Variants in MARK3 observed in about 807,000 individuals in gnomAD.
The protein encoded by MARK3 is microtubule affinity regulating kinase 3, also known as MAP/microtubule affinity-regulating kinase 3.
MARK3 carries 46 observed loss-of-function variants against 90.1 expected under a neutral mutation model. That is an observed-to-expected ratio of 0.51 (90% CI 0.40 to 0.65). The LOEUF (loss-of-function observed/expected upper bound fraction) is 0.65, where lower values mean the gene tolerates loss of function less well. Among genes scored for constraint, MARK3 ranks in the 30% least tolerant of loss-of-function variants. The probability of loss-of-function intolerance (pLI) is 0.00; values close to 1 mark genes in which losing one functional copy is unlikely to be tolerated. For missense variants in MARK3, 818 were observed against 947.2 expected, an observed-to-expected ratio of 0.86 and a Z score of 1.79; for synonymous variants, 321 against 332.6, an observed-to-expected ratio of 0.97 and a Z score of 0.38.
At chr14:103,394,535 T>G (rs1472396757) in intron 1 of MARK3, among the ~76,000 whole-genome samples, 1 of 152,200 alleles carries the variant, frequency 6.6e-6, no homozygotes, top group Admixed American at 6.5e-5. Context: ...TCTTGTGTAC[T>G]TCTGTGTGCA....
chr14:103,481,757 CTTTTTTT>C (rs71126030), intron 14 of MARK3, among the ~76,000 whole-genome samples: 64 of 49,802 alleles, frequency 1.3e-3, no homozygotes, highest in African/African-American at 4.6e-3. Flanking sequence ...ATAGGTATTT[CTTTTTTT>C]TTTTTTTTTT....
intron 10 of MARK3, 26 bp downstream of exon 10, chr14:103,466,468 A>C: frequency 2.7e-6 from 4 of 1,460,438 alleles, no homozygotes; most frequent in Non-Finnish European, 3.8e-6. Flanking sequence ...CTGCATGTTC[A>C]TGTGTTTTTG....
At chr14:103,457,844 A>C (rs1280309523) in intron 6 of MARK3, among the ~76,000 whole-genome samples, 2 of 152,248 alleles carry the variant, frequency 1.3e-5, no homozygotes, top group Non-Finnish European at 2.9e-5. Context: ...GCTAAAAAAT[A>C]AGACAACTGA....
intron 1 of MARK3, among the ~76,000 whole-genome samples, chr14:103,394,793 C>CT (rs367670075): frequency 6.6e-6 from 1 of 151,818 alleles, no homozygotes; most frequent in East Asian, 1.9e-4. Flanking sequence ...AGTCTTTTTT[C>CT]TTTTTTTGTG....
At chr14:103,423,376 T>TA (rs2092294725) in intron 2 of MARK3, among the ~76,000 whole-genome samples, 1 of 152,174 alleles carries the variant, frequency 6.6e-6, no homozygotes, top group African/African-American at 2.4e-5. Context: ...ATGTATGAGC[T>TA]GTCCCATCCC....
intron 5 of MARK3, among the ~76,000 whole-genome samples, chr14:103,452,957 G>A (rs1320938533): frequency 6.6e-6 from 1 of 152,174 alleles, no homozygotes; most frequent in African/African-American, 2.4e-5. Flanking sequence ...TGAATGCTTA[G>A]TCTGTTTGAA....
intron 2 of MARK3, among the ~76,000 whole-genome samples, chr14:103,406,001 C>G (rs1284407170): frequency 6.6e-6 from 1 of 152,090 alleles, no homozygotes; most frequent in South Asian, 2.1e-4. Flanking sequence ...GGCAGTTCTC[C>G]CACCTCAGCC....
At chr14:103,425,862 AC>A (rs1339230753) in intron 2 of MARK3, among the ~76,000 whole-genome samples, 4 of 152,160 alleles carry the variant, frequency 2.6e-5, no homozygotes, top group Non-Finnish European at 5.9e-5. Context: ...ATTGCTGGAT[AC>A]CTTGTTGCAG....
intron 12 of MARK3, among the ~76,000 whole-genome samples, chr14:103,474,519 C>G (rs2093684398): frequency 1.3e-5 from 2 of 152,220 alleles, no homozygotes; most frequent in Admixed American, 6.5e-5. Flanking sequence ...TCCGGTTTAT[C>G]TAGAAGATTA....
chr14:103,475,937 C>T (rs1378098465), intron 13 of MARK3, among the ~76,000 whole-genome samples: 2 of 148,080 alleles, frequency 1.4e-5, no homozygotes, highest in African/African-American at 5.1e-5. Context: ...AGCGAGACTC[C>T]TTCTCAAAAA....
chr14:103,438,229 C>T (rs1416162748), intron 3 of MARK3, among the ~76,000 whole-genome samples: 2 of 152,246 alleles, frequency 1.3e-5, no homozygotes, highest in African/African-American at 4.8e-5. Flanking sequence ...TCTGGAACTC[C>T]CGACCTCAGG....
intron 11 of MARK3, 189 bp from the exon 12 acceptor site, chr14:103,467,844 T>C: frequency 2.0e-6 from 1 of 498,320 alleles, no homozygotes; most frequent in South Asian, 3.2e-5. Context: ...TACCTTACCT[T>C]TAGTGTCTTT....
At chr14:103,443,100 ACT>A (rs1362063344) in intron 3 of MARK3, among the ~76,000 whole-genome samples, 3 of 152,326 alleles carry the variant, frequency 2.0e-5, no homozygotes, top group Non-Finnish European at 2.9e-5. Context: ...CTTTTCTGCA[ACT>A]CTGAAAAATG....
At chr14:103,442,667 A>T (rs1320820601) in intron 3 of MARK3, among the ~76,000 whole-genome samples, 1 of 152,220 alleles carries the variant, frequency 6.6e-6, no homozygotes, top group Non-Finnish European at 1.5e-5. Context: ...AAAATTGCAA[A>T]CAAAAATTAC....
At chr14:103,388,916 CA>C (rs1161779416) in intron 1 of MARK3, among the ~76,000 whole-genome samples, 1 of 152,102 alleles carries the variant, frequency 6.6e-6, no homozygotes, top group Non-Finnish European at 1.5e-5. Context: ...TTAATCCACT[CA>C]CCAGTGATGG....
At chr14:103,386,595 G>A (rs1337115860) in intron 1 of MARK3, among the ~76,000 whole-genome samples, 1 of 152,178 alleles carries the variant, frequency 6.6e-6, no homozygotes, top group African/African-American at 2.4e-5. Context: ...GTCCACTGAG[G>A]GATCTTTGCG....
At position 103,402,718 on chromosome 14, in the gene MARK3, G is replaced by A. The variant is rs138770764; in HGVS notation, c.52-2358G>A. On this transcript the variant is annotated intron_variant, in intron 1 of 17. Transcript: ENST00000429436. ...GAAGTTAAAATATGTTATTTGGGAC[G>A]CAAGAATTGCAATTTGGGGCACACA... Among the ~76,000 whole-genome samples, 118 of 152,234 alleles carry A rather than the reference G, an allele frequency of 7.8e-4. 1 individual carries two copies. The East Asian group carries it at 8.3e-3, about 11-fold the overall frequency.
intron 2 of MARK3, among the ~76,000 whole-genome samples, chr14:103,405,619 G>A (rs1260526500): frequency 6.6e-6 from 1 of 152,110 alleles, no homozygotes; most frequent in Admixed American, 6.5e-5. Flanking sequence ...GGGATTACAG[G>A]CGTGAGCCAT....
chr14:103,494,682 G>C (rs2075236169), intron 15 of MARK3, among the ~76,000 whole-genome samples: 1 of 151,856 alleles, frequency 6.6e-6, no homozygotes, highest in South Asian at 2.1e-4. Flanking sequence ...TATCGCCCAG[G>C]CTGGAGTGCA....
Sources: allele counts gnomAD v4.1 joint callset (sites outside exome capture counted in the v4.1 genomes callset), GRCh38; gene constraint gnomAD v4.1.1; transcripts MANE v1.5; gene names NCBI Gene and HGNC (gene_info 2026-07-23, HGNC 2026-07-21).